Variants in CDH4 observed in about 807,000 individuals in gnomAD.
CDH4 encodes the protein cadherin-4.
In CDH4, 33 loss-of-function variants were observed where a neutral mutation model predicts 86.0. The ratio of observed to expected loss-of-function variants is 0.38; its 90% CI spans 0.29 to 0.51. The LOEUF (loss-of-function observed/expected upper bound fraction) is 0.51, where lower values mean the gene tolerates loss of function less well. Among genes scored for constraint, CDH4 ranks in the 20% least tolerant of loss-of-function variants. The pLI is 0.86. For missense variants in CDH4, 1,114 were observed against 1,307.4 expected (o/e 0.85, Z 2.28); for synonymous variants, 555 against 549.4 (o/e 1.01, Z -0.14).
At chr20:61,346,565 G>A (rs1054394505) in intron 2 of CDH4, among the ~76,000 whole-genome samples, 2 of 152,084 alleles carry the variant, frequency 1.3e-5, no homozygotes, top group Non-Finnish European at 1.5e-5. Flanking sequence ...CCAACATGGC[G>A]AAACCCCATC....
chr20:61,737,444 C>G (rs1048856282), intron 2 of CDH4, among the ~76,000 whole-genome samples: 1 of 152,120 alleles, frequency 6.6e-6, no homozygotes, highest in Non-Finnish European at 1.5e-5. Flanking sequence ...ACACCCTGCA[C>G]GGCTCCCCAT....
intron 2 of CDH4, among the ~76,000 whole-genome samples, chr20:61,267,955 T>C (rs2084165499): frequency 6.6e-6 from 1 of 152,232 alleles, no homozygotes; most frequent in African/African-American, 2.4e-5. Flanking sequence ...GGAAAGCGGC[T>C]GCTGAGTCTG....
chr20:61,424,341 AAC>A (rs987909829), intron 2 of CDH4, among the ~76,000 whole-genome samples: 21 of 151,394 alleles, frequency 1.4e-4, no homozygotes, highest in African/African-American at 4.6e-4. Context: ...CATGTATCCA[AAC>A]ACACTCATAT....
rs73310896 is a variant in CDH4 at position 61,753,943 on chromosome 20, G to C, written c.396+10154G>C. Among the ~76,000 whole-genome samples the C allele has an allele frequency of 9.9e-3, 1,511 of 152,270 alleles. 30 individuals are homozygous for C. Among genetic ancestry groups the C allele is most frequent in the African/African-American group, 0.034 (1,431 of 41,536 alleles). ...TAGGGGGTTTGCCGATGTAATTAGT[G>C]AAGAAGAAGTGATTAGCGTGGGCCC... is the stretch of plus-strand genomic sequence containing the variant. On this transcript the variant is annotated intron_variant, in intron 3 of 15. Transcript: ENST00000614565.
intron 2 of CDH4, among the ~76,000 whole-genome samples, chr20:61,449,114 C>G (rs560736671): frequency 1.3e-5 from 2 of 152,166 alleles, no homozygotes; most frequent in Non-Finnish European, 2.9e-5. Flanking sequence ...GTGTGCAGTG[C>G]CAGGGGCTGG....
At chr20:61,443,021 C>T (rs542681341) in intron 2 of CDH4, among the ~76,000 whole-genome samples, 2 of 152,192 alleles carry the variant, frequency 1.3e-5, no homozygotes, top group Non-Finnish European at 2.9e-5. Flanking sequence ...TGTCTTTAGA[C>T]GTTGCCAGTG....
intron 2 of CDH4, among the ~76,000 whole-genome samples, chr20:61,354,897 C>T (rs1600895387): frequency 1.3e-5 from 2 of 152,190 alleles, no homozygotes; most frequent in East Asian, 1.9e-4. Flanking sequence ...CTCTGGCTGC[C>T]GACGCAGCTT....
chr20:61,314,607 C>A (rs1344707266), intron 2 of CDH4, among the ~76,000 whole-genome samples: 4 of 152,150 alleles, frequency 2.6e-5, no homozygotes, highest in African/African-American at 9.7e-5. Context: ...TTTTTGAGAT[C>A]CTGACTTCAT....
chr20:61,471,906 T>C (rs1331534138), intron 2 of CDH4, among the ~76,000 whole-genome samples: 1 of 152,182 alleles, frequency 6.6e-6, no homozygotes, highest in Admixed American at 6.5e-5. Context: ...TTAAGATTTG[T>C]TTTTGTGACC....
In CDH4 at chr20:61,661,492, T is replaced by A. The variant is rs199838981; in HGVS notation, c.170-82071T>A. 1.6e-4 allele frequency among the ~76,000 whole-genome samples: 24 copies of A among 150,192 alleles called. No homozygotes were observed. The East Asian group carries it at 4.5e-3, about 28-fold the overall frequency. ...TGACTTTTTTTTTTTTTTTTTTTTT[T>A]AACACTCATACATGTCAGAGTTGGG... On this transcript the variant is annotated intron_variant, in intron 2 of 15. Transcript: ENST00000614565.
At chr20:61,474,274 C>T (rs2085522587) in intron 2 of CDH4, among the ~76,000 whole-genome samples, 1 of 150,174 alleles carries the variant, frequency 6.7e-6, no homozygotes, top group South Asian at 2.1e-4. Context: ...AATTTCCCTG[C>T]CTCAGCCTCC....
At chr20:61,338,437 C>T (rs1056848348) in intron 2 of CDH4, among the ~76,000 whole-genome samples, 2 of 152,106 alleles carry the variant, frequency 1.3e-5, no homozygotes, top group Non-Finnish European at 2.9e-5. Flanking sequence ...GAGCCAAAGA[C>T]GTTGTTTTCT....
At chr20:61,875,955 C>T (rs539274921) in intron 7 of CDH4, among the ~76,000 whole-genome samples, 69 of 152,340 alleles carry the variant, frequency 4.5e-4, no homozygotes, top group African/African-American at 1.3e-3. Flanking sequence ...CACACACACA[C>T]ACCTGTGAGC....
intron 15 of CDH4, among the ~76,000 whole-genome samples, chr20:61,936,409 CTCTCCCACA>C (rs2055189255): frequency 1.8e-4 from 2 of 11,212 alleles, no homozygotes; most frequent in Admixed American, 6.7e-4. Flanking sequence ...CCCCTCCCCC[CTCTCCCACA>C]CCCCCCCCCC....
At chr20:61,874,096 C>T (rs1983920182) in intron 7 of CDH4, among the ~76,000 whole-genome samples, 196 bp downstream of exon 7, 1 of 152,190 alleles carries the variant, frequency 6.6e-6, no homozygotes, top group East Asian at 1.9e-4. Context: ...ATGAGCGAGT[C>T]CTTGTGAGAT....
chr20:61,533,495 G>C (rs953629779), intron 2 of CDH4, among the ~76,000 whole-genome samples: 2 of 152,276 alleles, frequency 1.3e-5, no homozygotes, highest in Middle Eastern at 3.2e-3. Context: ...TGGCCTGAGA[G>C]GGCAGGGCAT....
At chr20:61,352,874 C>T (rs866876647) in intron 2 of CDH4, among the ~76,000 whole-genome samples, 1 of 152,130 alleles carries the variant, frequency 6.6e-6, no homozygotes, top group Non-Finnish European at 1.5e-5. Flanking sequence ...ACCTGTGAGA[C>T]GCTGCGGACA....
At chr20:61,887,983 C>A (rs531393160) in intron 7 of CDH4, among the ~76,000 whole-genome samples, 113 of 152,248 alleles carry the variant, frequency 7.4e-4, no homozygotes, top group African/African-American at 2.6e-3. Context: ...GCTGAGAGCC[C>A]CCTGCAGCTT....
chr20:61,821,515 C>T (rs948841141), intron 4 of CDH4, among the ~76,000 whole-genome samples: 3 of 147,348 alleles, frequency 2.0e-5, no homozygotes, highest in Admixed American at 1.3e-4. Context: ...TCCCACTGCT[C>T]CAGTCCCCTC....
Sources: allele counts gnomAD v4.1 joint callset (sites outside exome capture counted in the v4.1 genomes callset), GRCh38; gene constraint gnomAD v4.1.1; transcripts MANE v1.5; gene names NCBI Gene and HGNC (gene_info 2026-07-23, HGNC 2026-07-21).